Variants in RCAN2 observed in about 807,000 individuals in gnomAD.
RCAN2 encodes calcipressin-2.
A neutral mutation model predicts 23.6 loss-of-function variants in RCAN2; 9 were observed. That is an observed-to-expected ratio of 0.38 (90% confidence interval 0.23 to 0.67). RCAN2 has a LOEUF of 0.67. Ranked by LOEUF, RCAN2 falls within the 30% of genes least tolerant of loss-of-function variation. The probability of loss-of-function intolerance (pLI) is 0.51; values close to 1 mark genes in which losing one functional copy is unlikely to be tolerated. For missense variants in RCAN2, 273 were observed against 302.3 expected, an observed-to-expected ratio of 0.90 and a Z score of 0.72; for synonymous variants, 109 against 115.7, an observed-to-expected ratio of 0.94 and a Z score of 0.37.
intron 2 of RCAN2, among the ~76,000 whole-genome samples, chr6:46,301,792 G>A (rs537264934): frequency 7.2e-5 from 11 of 152,174 alleles, no homozygotes; most frequent in Admixed American, 4.6e-4. Flanking sequence ...ATTCCAGGAG[G>A]GAAAGAAGAC....
chr6:46,283,164 T>G (rs1182055061), intron 2 of RCAN2, among the ~76,000 whole-genome samples: 1 of 152,008 alleles, frequency 6.6e-6, no homozygotes, highest in Non-Finnish European at 1.5e-5. Flanking sequence ...ATAAACATAT[T>G]CAATCCAGGC....
Position 46,470,281 on chromosome 6 carries a change from T to C in RCAN2, c.-2-13303A>G, listed in dbSNP as rs1768522845. Among the ~76,000 whole-genome samples, 5 of 152,282 alleles carry C rather than the reference T, an allele frequency of 3.3e-5. No homozygotes were observed. The South Asian group carries it at 1.0e-3, about 32-fold the overall frequency. On this transcript the variant is annotated intron_variant, in intron 1 of 4. Transcript: ENST00000371374. ...TCCAACAAGACCAATGGAAGCTATT[T>C]ATATTAGAGGAGAGAACTAGGACCC... is the stretch of plus-strand genomic sequence containing the variant.
chr6:46,462,168 C>T (rs546075459), intron 1 of RCAN2, among the ~76,000 whole-genome samples: 67 of 152,250 alleles, frequency 4.4e-4, no homozygotes, highest in African/African-American at 1.3e-3. Context: ...CAATGAGAAA[C>T]AAGCAGCAGT....
intron 2 of RCAN2, among the ~76,000 whole-genome samples, chr6:46,278,686 C>T (rs1767796242): frequency 6.6e-6 from 1 of 152,184 alleles, no homozygotes; most frequent in Non-Finnish European, 1.5e-5. Context: ...TCATCTGGAA[C>T]ATTCCTCACT....
chr6:46,469,919 A>C (rs1377273928), intron 1 of RCAN2, among the ~76,000 whole-genome samples: 4 of 152,116 alleles, frequency 2.6e-5, no homozygotes, highest in Non-Finnish European at 4.4e-5. Flanking sequence ...CTTGTGGAGG[A>C]TACAGCAATA....
intron 2 of RCAN2, among the ~76,000 whole-genome samples, chr6:46,294,099 G>C (rs990160949): frequency 2.0e-5 from 3 of 152,152 alleles, no homozygotes; most frequent in Non-Finnish European, 1.5e-5. Context: ...GAATGATACA[G>C]GATTTTGACA....
chr6:46,465,014 C>T (rs1768332295), intron 1 of RCAN2, among the ~76,000 whole-genome samples: 1 of 151,936 alleles, frequency 6.6e-6, no homozygotes, highest in African/African-American at 2.4e-5. Flanking sequence ...TTTGCAGATC[C>T]TATATATTCT....
chr6:46,246,095 CA>C (rs375878061), intron 4 of RCAN2, among the ~76,000 whole-genome samples: 1 of 152,174 alleles, frequency 6.6e-6, no homozygotes, highest in African/African-American at 2.4e-5. Flanking sequence ...ATTGTAATAG[CA>C]AAAAACCTGG....
intron 2 of RCAN2, among the ~76,000 whole-genome samples, chr6:46,302,257 G>A (rs1050961456): frequency 6.6e-6 from 1 of 152,102 alleles, no homozygotes; most frequent in Non-Finnish European, 1.5e-5. Context: ...GAAAATGGCA[G>A]GGTGAGCTGA....
At chr6:46,276,180 A>G (rs1582055101) in intron 2 of RCAN2, among the ~76,000 whole-genome samples, 1 of 151,866 alleles carries the variant, frequency 6.6e-6, no homozygotes, top group Admixed American at 6.6e-5. Flanking sequence ...GTGCCACTGC[A>G]CTCCAGCCTG....
intron 2 of RCAN2, among the ~76,000 whole-genome samples, chr6:46,415,948 A>C (rs192953135): frequency 1.2e-3 from 186 of 152,352 alleles, no homozygotes; most frequent in African/African-American, 4.4e-3. Flanking sequence ...GGATCATTTA[A>C]ATCAACTGTA....
intron 1 of RCAN2, among the ~76,000 whole-genome samples, chr6:46,485,822 G>A (rs1768976468): frequency 6.6e-6 from 1 of 151,974 alleles, no homozygotes; most frequent in African/African-American, 2.4e-5. Context: ...CCAGTTCCAT[G>A]TCCTGATCAG....
chr6:46,327,871 C>T (rs548162399), intron 2 of RCAN2, among the ~76,000 whole-genome samples: 7 of 152,186 alleles, frequency 4.6e-5, no homozygotes, highest in African/African-American at 1.2e-4. Flanking sequence ...TCTGCTCACA[C>T]GGGCTGTTCC....
At chr6:46,300,188 A>G (rs1211418026) in intron 2 of RCAN2, among the ~76,000 whole-genome samples, 4 of 151,976 alleles carry the variant, frequency 2.6e-5, no homozygotes, top group Admixed American at 6.6e-5. Flanking sequence ...AAGATGGAAA[A>G]TATAGACTTT....
intron 2 of RCAN2, among the ~76,000 whole-genome samples, chr6:46,404,527 A>G (rs926885045): frequency 6.6e-6 from 1 of 152,212 alleles, no homozygotes; most frequent in Non-Finnish European, 1.5e-5. Flanking sequence ...AAGTTCTTAA[A>G]TGTGGGTTTG....
At chr6:46,436,060 C>T (rs1767354031) in intron 2 of RCAN2, among the ~76,000 whole-genome samples, 1 of 152,186 alleles carries the variant, frequency 6.6e-6, no homozygotes, top group African/African-American at 2.4e-5. Context: ...AACATATGTG[C>T]TCAGATTTCA....
chr6:46,266,940 A>G (rs1767350960), intron 2 of RCAN2, among the ~76,000 whole-genome samples: 2 of 57,046 alleles, frequency 3.5e-5, no homozygotes. Flanking sequence ...CATTCCACCG[A>G]CATTTAAAAT....
At chr6:46,440,571 G>A (rs1236273709) in intron 2 of RCAN2, among the ~76,000 whole-genome samples, 1 of 151,974 alleles carries the variant, frequency 6.6e-6, no homozygotes, top group Non-Finnish European at 1.5e-5. Context: ...TGTGAAGAAA[G>A]TTTGAAGAGC....
At chr6:46,368,321 T>C (rs950586112) in intron 2 of RCAN2, among the ~76,000 whole-genome samples, 1 of 152,220 alleles carries the variant, frequency 6.6e-6, no homozygotes, top group African/African-American at 2.4e-5. Flanking sequence ...ACCACCTTTC[T>C]GGTATCATAT....
Sources: gnomAD v4.1 joint callset for allele counts (sites outside exome capture counted in the v4.1 genomes callset) on GRCh38, gnomAD v4.1.1 for gene constraint, MANE v1.5 for transcripts, NCBI Gene and HGNC (gene_info 2026-07-23, HGNC 2026-07-21) for gene names.